The following DGKI variants were observed in gnomAD, a reference collection of about 807,000 sequenced individuals.
DGKI encodes the protein diacylglycerol kinase iota, also known as DAG kinase iota.
DGKI carries 55 observed loss-of-function variants against 147.5 expected under a neutral mutation model. The observed-to-expected ratio is 0.37, with a 90% CI of 0.30 to 0.47. DGKI has a LOEUF of 0.47. Ranked by LOEUF, DGKI falls within the 20% of genes least tolerant of loss-of-function variation. The pLI, the probability that DGKI is intolerant of heterozygous loss-of-function variation, is 1.00. For synonymous variants in DGKI, 469 were observed against 477.1 expected, an observed-to-expected ratio of 0.98 and a Z score of 0.22; for missense variants, 1,007 against 1,323.8, an observed-to-expected ratio of 0.76 and a Z score of 3.71.
At chr7:137,637,870 A>T (rs1455446837) in intron 6 of DGKI, among the ~76,000 whole-genome samples, 2 of 151,434 alleles carry the variant, frequency 1.3e-5, no homozygotes, top group African/African-American at 4.9e-5. Flanking sequence ...ATTAAAGGAG[A>T]TTTTTTTCTG....
chr7:137,427,878 A>G (rs1812887838), intron 28 of DGKI, among the ~76,000 whole-genome samples: 1 of 151,892 alleles, frequency 6.6e-6, no homozygotes, highest in Non-Finnish European at 1.5e-5. Flanking sequence ...GAATAGACCA[A>G]TAACAGGAGC....
At position 137,722,394 on chromosome 7, in the gene DGKI, C is replaced by T. The variant is rs189498499; in HGVS notation, c.402-32392G>A. 2.1e-3 allele frequency: 3,332 copies of T among 1,612,102 alleles called. 9 individuals are homozygous for T. Among genetic ancestry groups the T allele is most frequent in the Non-Finnish European group, 2.7e-3 (3,146 of 1,178,220 alleles). On this transcript the variant is annotated intron_variant, in intron 1 of 32. Transcript: ENST00000614521. ...ACAGCAAAAAACCCTTCAGTCAGCA[C>T]GTGAGAAAACTGCGAGCCAGCATTA...
At chr7:137,435,319 T>C (rs977314300) in intron 28 of DGKI, among the ~76,000 whole-genome samples, 1 of 152,090 alleles carries the variant, frequency 6.6e-6, no homozygotes, top group Non-Finnish European at 1.5e-5. Flanking sequence ...ATCATGGGCA[T>C]TTAAGTTGTC....
chr7:137,509,571 G>C (rs1202070516), intron 21 of DGKI, among the ~76,000 whole-genome samples: 1 of 152,088 alleles, frequency 6.6e-6, no homozygotes, highest in Non-Finnish European at 1.5e-5. Flanking sequence ...GAGCTGGAGA[G>C]AGCAAAAAAG....
intron 1 of DGKI, among the ~76,000 whole-genome samples, chr7:137,733,639 C>T (rs1794945230): frequency 6.6e-6 from 1 of 152,068 alleles, no homozygotes; most frequent in Admixed American, 6.6e-5. Flanking sequence ...AAACAAAGAA[C>T]TCTGCTTTAA....
At position 137,587,214 on chromosome 7, in the gene DGKI, C is replaced by T. The variant is rs369268030; in HGVS notation, c.1312-4G>A. ...GGATGGAAAGGATCCAGCCCACCTA[C>T]AGGCGTATCGGGGGCCAGAAGAGAT... On this transcript the variant is annotated splice_region_variant and splice_polypyrimidine_tract_variant and intron_variant, in intron 12 of 32. Coordinates refer to ENST00000614521, the MANE Select transcript of DGKI (RefSeq NM_001321708.2). 1 of 1,606,598 alleles carries T rather than the reference C, an allele frequency of 6.2e-7. No individual in the cohort carries two copies. Among genetic ancestry groups the T allele is most frequent in the Non-Finnish European group, 8.5e-7 (1 of 1,177,406 alleles).
At chr7:137,675,590 C>T (rs753460180) in intron 3 of DGKI, among the ~76,000 whole-genome samples, 2 of 150,158 alleles carry the variant, frequency 1.3e-5, no homozygotes, top group Non-Finnish European at 2.9e-5. Context: ...GAGGCTGAGG[C>T]AGGAGAATTT....
At chr7:137,754,933 G>A (rs1297917622) in intron 1 of DGKI, among the ~76,000 whole-genome samples, 3 of 152,124 alleles carry the variant, frequency 2.0e-5, no homozygotes, top group Admixed American at 6.5e-5. Flanking sequence ...TTTGACAGAC[G>A]CATAAAAGCT....
At chr7:137,629,133 A>C (rs1457503673) in intron 6 of DGKI, among the ~76,000 whole-genome samples, 2 of 152,218 alleles carry the variant, frequency 1.3e-5, no homozygotes, top group Non-Finnish European at 2.9e-5. Flanking sequence ...ATGGAATTAT[A>C]AAATAAGACT....
chr7:137,787,205 T>C (rs1287633345), intron 1 of DGKI, among the ~76,000 whole-genome samples: 7 of 151,838 alleles, frequency 4.6e-5, no homozygotes, highest in Non-Finnish European at 8.8e-5. Context: ...TGGTAAAAAA[T>C]ATTCACAATC....
chr7:137,753,567 TAGAG>T (rs1259416578), intron 1 of DGKI, among the ~76,000 whole-genome samples: 4 of 152,116 alleles, frequency 2.6e-5, no homozygotes, highest in African/African-American at 9.7e-5. Context: ...TGAGCAAACT[TAGAG>T]AGGAACGGGT....
At chr7:137,741,406 C>G (rs1343517591) in intron 1 of DGKI, among the ~76,000 whole-genome samples, 1 of 152,134 alleles carries the variant, frequency 6.6e-6, no homozygotes, top group Non-Finnish European at 1.5e-5. Flanking sequence ...AGAGGGCATG[C>G]GAAAAACATT....
chr7:137,672,766 C>CTTTTTTTTTTT (rs60078498), intron 3 of DGKI, among the ~76,000 whole-genome samples: 1 of 65,692 alleles, frequency 1.5e-5, no homozygotes, highest in African/African-American at 7.2e-5. Context: ...CTCTGTGTGT[C>CTTTTTTTTTTT]TTTTTTTTTT....
chr7:137,538,353 T>A (rs1817584642), intron 20 of DGKI, among the ~76,000 whole-genome samples: 1 of 152,206 alleles, frequency 6.6e-6, no homozygotes, highest in Non-Finnish European at 1.5e-5. Context: ...ACTTTCATCC[T>A]TACCAAGAAG....
intron 28 of DGKI, among the ~76,000 whole-genome samples, chr7:137,430,075 A>G (rs1424377651): frequency 8.5e-6 from 1 of 118,262 alleles, no homozygotes; most frequent in Non-Finnish European, 1.7e-5. Flanking sequence ...AAGGACTATA[A>G]ATCATGCTGC....
At chr7:137,637,972 G>T (rs992841943) in intron 6 of DGKI, among the ~76,000 whole-genome samples, 2 of 152,138 alleles carry the variant, frequency 1.3e-5, no homozygotes, top group Non-Finnish European at 2.9e-5. Flanking sequence ...GCGGATTGAA[G>T]AAAGGCAATT....
intron 20 of DGKI, among the ~76,000 whole-genome samples, chr7:137,542,865 A>C (rs1351464382): frequency 1.3e-5 from 2 of 152,208 alleles, no homozygotes; most frequent in African/African-American, 2.4e-5. Flanking sequence ...TGGCTTCGTA[A>C]TTCTGTCATA....
rs71533759 is a variant in DGKI at position 137,588,475 on chromosome 7, C to CTT, written c.1312-1267_1312-1266dup. Among the ~76,000 whole-genome samples, 66 of 116,706 alleles carry CTT rather than the reference C, an allele frequency of 5.7e-4. 1 individual carries two copies. The highest frequency in any genetic ancestry group is 7.4e-4 in the Non-Finnish European group (43 of 58,334). 76.6% of individuals were successfully genotyped at this position (116,706 alleles called of 152,430 possible). ...TAACACAAAGATGGACATACCGATG[C>CTT]TTTTTTTTTTTTTTTTTTTGAGATG... On this transcript the variant is annotated intron_variant, in intron 12 of 32. Coordinates refer to ENST00000614521, the MANE Select transcript of DGKI (RefSeq NM_001321708.2).
At chr7:137,501,047 A>T (rs954705361) in intron 21 of DGKI, among the ~76,000 whole-genome samples, 1 of 152,100 alleles carries the variant, frequency 6.6e-6, no homozygotes, top group Non-Finnish European at 1.5e-5. Flanking sequence ...AGTCTCTGGT[A>T]ATCACTATTC....
Sources: allele counts gnomAD v4.1 joint callset (sites outside exome capture counted in the v4.1 genomes callset), GRCh38; gene constraint gnomAD v4.1.1; transcripts MANE v1.5; gene names NCBI Gene and HGNC (gene_info 2026-07-23, HGNC 2026-07-21).